Variants in CADM1 observed in about 807,000 individuals in gnomAD.
CADM1 encodes TSLC-1.
A neutral mutation model predicts 53.1 loss-of-function variants in CADM1; 15 were observed. That is an observed-to-expected ratio of 0.28 (90% CI 0.19 to 0.44). CADM1 has a LOEUF of 0.44. CADM1 is among the 20% of genes least tolerant of loss of function. CADM1 has a pLI of 1.00. For missense variants in CADM1, 434 were observed against 611.3 expected, an observed-to-expected ratio of 0.71 and a Z score of 3.06; for synonymous variants, 281 against 243.0, an observed-to-expected ratio of 1.16 and a Z score of -1.45.
intron 1 of CADM1, among the ~76,000 whole-genome samples, chr11:115,448,862 T>C (rs1429060964): frequency 6.6e-6 from 1 of 152,188 alleles, no homozygotes; most frequent in Non-Finnish European, 1.5e-5. Context: ...ACTATAAAAA[T>C]ATAGAAGATC....
At chr11:115,287,501 T>C (rs945378159) in intron 1 of CADM1, 2 of 152,264 alleles carry the variant, frequency 1.3e-5, no homozygotes, top group Non-Finnish European at 2.9e-5. Context: ...TCTAGTCATC[T>C]GCCAGAAGAA....
At chr11:115,265,281 T>G (rs1299455209) in intron 1 of CADM1, among the ~76,000 whole-genome samples, 1 of 151,018 alleles carries the variant, frequency 6.6e-6, no homozygotes, top group African/African-American at 2.5e-5. Flanking sequence ...GAAGTGACTT[T>G]AACCTCTAAG....
intron 1 of CADM1, among the ~76,000 whole-genome samples, chr11:115,403,505 G>A (rs1591783832): frequency 1.3e-5 from 2 of 152,180 alleles, no homozygotes; most frequent in East Asian, 3.8e-4. Flanking sequence ...AACATTTGGA[G>A]AATCTAGATG....
chr11:115,286,340 A>C (rs1160634337), intron 1 of CADM1, among the ~76,000 whole-genome samples: 1 of 151,930 alleles, frequency 6.6e-6, no homozygotes, highest in African/African-American at 2.4e-5. Context: ...CCACACTCAC[A>C]CTCCAGAACA....
intron 1 of CADM1, among the ~76,000 whole-genome samples, chr11:115,385,689 C>A (rs1946683928): frequency 6.7e-6 from 1 of 149,206 alleles, no homozygotes; most frequent in East Asian, 2.0e-4. Context: ...CTAACTTAAT[C>A]AAGATTTTGC....
At chr11:115,294,635 A>G (rs1455208032) in intron 1 of CADM1, among the ~76,000 whole-genome samples, 1 of 152,116 alleles carries the variant, frequency 6.6e-6, no homozygotes, top group African/African-American at 2.4e-5. Context: ...TTATAAGGTA[A>G]TAAAATAGAG....
chr11:115,238,605 G>A lies in CADM1; in HGVS notation c.319C>T (p.Leu107Phe). The change falls in exon 3 of 12, where the codon CTC (leucine) becomes TTC (phenylalanine). Residue 107 changes from leucine (L) to phenylalanine (F), a missense_variant. Coordinates refer to ENST00000331581, the MANE Select transcript of CADM1 (RefSeq NM_001301043.2). ...GAGACGTTTGTCAATGATACTTTGA[G>A]TTCACTGCTAGAAAAATTCAGCAAC... ...FQLLNFSSSE[L>F]KVSLTNVSIS... is the part of the protein sequence containing the mutation. The A allele has an allele frequency of 6.2e-7, 1 of 1,613,908 alleles. No homozygotes were observed. Among genetic ancestry groups the A allele is most frequent in the East Asian group, 2.2e-5 (1 of 44,854 alleles).
intron 1 of CADM1, among the ~76,000 whole-genome samples, chr11:115,407,801 G>T (rs1376793444): frequency 1.4e-5 from 2 of 145,320 alleles, no homozygotes; most frequent in East Asian, 2.2e-4. Flanking sequence ...GCCTGGGGGG[G>T]TTCGAGGCTG....
intron 1 of CADM1, among the ~76,000 whole-genome samples, chr11:115,320,755 T>A (rs1480891237): frequency 6.6e-6 from 1 of 151,952 alleles, no homozygotes; most frequent in Non-Finnish European, 1.5e-5. Context: ...TGTAGTCACA[T>A]GTTTTTGTGA....
rs148268539 is a variant in CADM1, at chr11:115,455,430, A to G, written c.124+48841T>C. ...ATATATATATATAGAGAGAGAGAGAAATATTGGTCTCTGGTAGAAAATGCC... is the reference window on the plus strand; with the variant it reads ...ATATATATATATAGAGAGAGAGAGAGATATTGGTCTCTGGTAGAAAATGCC... On this transcript the variant is annotated intron_variant, in intron 1 of 11. Coordinates refer to ENST00000331581, the MANE Select transcript of CADM1 (RefSeq NM_001301043.2). Among the ~76,000 whole-genome samples the G allele has an allele frequency of 2.3e-3, 344 of 152,046 alleles. 3 individuals carry two copies. Among genetic ancestry groups the G allele is most frequent in the Middle Eastern group, 3.4e-3 (1 of 294 alleles).
At chr11:115,240,482 GATCT>G in intron 1 of CADM1, 62 bp from the exon 2 acceptor site, 1 of 1,565,364 alleles carries the variant, frequency 6.4e-7, no homozygotes, top group Non-Finnish European at 8.8e-7. Context: ...TGATCAGTGG[GATCT>G]ATTAAAGTGG....
At chr11:115,498,259 G>C (rs1290332672) in intron 1 of CADM1, among the ~76,000 whole-genome samples, 1 of 152,138 alleles carries the variant, frequency 6.6e-6, no homozygotes, top group Non-Finnish European at 1.5e-5. Context: ...GATCACTTCA[G>C]TTACAGAATA....
chr11:115,472,461 G>T (rs2135393768), intron 1 of CADM1, among the ~76,000 whole-genome samples: 1 of 152,354 alleles, frequency 6.6e-6, no homozygotes, highest in East Asian at 1.9e-4. Context: ...GGGGGGGTGT[G>T]TGTGTGAGAG....
chr11:115,198,838 A>G (rs1301533695), intron 8 of CADM1, among the ~76,000 whole-genome samples: 2 of 152,184 alleles, frequency 1.3e-5, no homozygotes, highest in African/African-American at 4.8e-5. Flanking sequence ...TGGTTAAACA[A>G]TGGATTCATA....
chr11:115,266,535 G>A (rs1313128271), intron 1 of CADM1, among the ~76,000 whole-genome samples: 1 of 152,198 alleles, frequency 6.6e-6, no homozygotes, highest in African/African-American at 2.4e-5. Context: ...GATGTACACT[G>A]AGTGTTGTCT....
At position 115,173,984 on chromosome 11, in the gene CADM1, A is replaced by G; in HGVS notation, c.*2490T>C. 1 of 952,444 alleles carries G rather than the reference A, an allele frequency of 1.0e-6. No homozygotes were observed. Among genetic ancestry groups the G allele is most frequent in the Non-Finnish European group, 1.3e-6 (1 of 799,830 alleles). The allele number at this position is 952,444 out of a possible 1,614,324, so 59.0% of individuals were successfully genotyped here. ...TAATACTCAACAATACATTTCAAACAGTGCACTGTATACTTAAGAAAAAAT... is the reference window on the plus strand; with the variant it reads ...TAATACTCAACAATACATTTCAAACGGTGCACTGTATACTTAAGAAAAAAT... On this transcript the variant is annotated 3_prime_UTR_variant, in exon 12 of 12. Transcript: ENST00000331581.
At chr11:115,292,765 G>C (rs961304701) in intron 1 of CADM1, among the ~76,000 whole-genome samples, 1 of 152,128 alleles carries the variant, frequency 6.6e-6, no homozygotes. Context: ...AGTCAATGGG[G>C]GACCCAGAAC....
At chr11:115,438,860 A>C (rs558741020) in intron 1 of CADM1, among the ~76,000 whole-genome samples, 1 of 152,240 alleles carries the variant, frequency 6.6e-6, no homozygotes, top group South Asian at 2.1e-4. Flanking sequence ...GAACAAAGCT[A>C]TATTAACCGA....
At chr11:115,446,737 C>T (rs1016884949) in intron 1 of CADM1, among the ~76,000 whole-genome samples, 2 of 152,100 alleles carry the variant, frequency 1.3e-5, no homozygotes, top group South Asian at 2.1e-4. Flanking sequence ...ACTGCTCTTT[C>T]GAAAGAGCAA....
Sources: gnomAD v4.1 joint callset for allele counts (sites outside exome capture counted in the v4.1 genomes callset) on GRCh38, gnomAD v4.1.1 for gene constraint, MANE v1.5 for transcripts, NCBI Gene and HGNC (gene_info 2026-07-23, HGNC 2026-07-21) for gene names.